The following SNX31 variants were observed in gnomAD, a reference collection of about 807,000 sequenced individuals.
SNX31 encodes sorting nexin-31.
SNX31 carries 58 observed loss-of-function variants against 65.4 expected under a neutral mutation model. The observed-to-expected ratio is 0.89, with a 90% CI of 0.72 to 1.10. The LOEUF is 1.10. SNX31 is among the 50% of genes least tolerant of loss of function. The pLI is 0.00. For missense variants in SNX31, 523 were observed against 529.7 expected, an observed-to-expected ratio of 0.99 and a Z score of 0.12; for synonymous variants, 181 against 190.1, an observed-to-expected ratio of 0.95 and a Z score of 0.39.
intron 4 of SNX31, chr8:100,618,004 G>A: frequency 1.2e-6 from 1 of 850,732 alleles, no homozygotes; most frequent in Non-Finnish European, 1.4e-6. Context: ...GACCTCAGGT[G>A]ATCCACCCTC....
Position 100,573,926 on chromosome 8 carries a change from C to CTTTTTTTTTTTTTTTTTTTT in SNX31, c.1261_1262insAAAAAAAAAAAAAAAAAAAA (p.Ser421LysfsTer12), listed in dbSNP as rs752425672. On this transcript the variant is annotated frameshift_variant, in exon 14 of 14. Transcript: ENST00000311812. LOFTEE classifies it high-confidence loss of function. ...GTCATCTTTAGCTATCTTAATCTTGCTTTTTCTTGATAGAAAACTAGAATA... is the reference window on the plus strand; with the variant it reads ...GTCATCTTTAGCTATCTTAATCTTGCTTTTTTTTTTTTTTTTTTTTTTTTTCTTGATAGAAAACTAGAATA... 1 of 1,586,998 alleles carries CTTTTTTTTTTTTTTTTTTTT rather than the reference C, an allele frequency of 6.3e-7. No individual in the cohort carries two copies. Among genetic ancestry groups the CTTTTTTTTTTTTTTTTTTTT allele is most frequent in the Admixed American group, 1.8e-5 (1 of 54,284 alleles).
In SNX31 at chr8:100,588,824, T is replaced by C. The variant is rs202183103; in HGVS notation, c.1092+42A>G. 3.5e-4 allele frequency: 510 copies of C among 1,455,022 alleles called. 3 individuals carry two copies. The East Asian group carries it at 4.1e-3, about 12-fold the overall frequency. The allele number at this position is 1,455,022 out of a possible 1,614,324, so 90.1% of individuals were successfully genotyped here. A position where few individuals can be genotyped will look rare whatever the true frequency, so the allele number is the denominator to read the frequency against. ...ATCCACCCCAGCAAGCAAGACAGCA[T>C]TTCAGCACAGAGGGTGTTCAAGGTC... On this transcript the variant is annotated intron_variant, in intron 11 of 13. Transcript: ENST00000311812. The surrounding 1 kb of genome is among the most constrained non-coding windows in gnomAD (Gnocchi z 4.8).
intron 10 of SNX31, among the ~76,000 whole-genome samples, chr8:100,592,605 A>G (rs1814688032): frequency 1.3e-5 from 2 of 152,204 alleles, no homozygotes; most frequent in Admixed American, 1.3e-4. Context: ...ATTTGATCCA[A>G]TGATAATTCT....
At chr8:100,646,106 C>T (rs961655128) in intron 2 of SNX31, among the ~76,000 whole-genome samples, 1 of 152,062 alleles carries the variant, frequency 6.6e-6, no homozygotes, top group Non-Finnish European at 1.5e-5. Context: ...TCCCCTTCAT[C>T]CTCTGAAGCT....
chr8:100,633,413 A>G (rs186225590), intron 3 of SNX31, among the ~76,000 whole-genome samples: 1 of 151,246 alleles, frequency 6.6e-6, no homozygotes, highest in Non-Finnish European at 1.5e-5. Context: ...TTATTTATTT[A>G]TTTTTTTGAG....
At chr8:100,577,784 G>A (rs923799680) in intron 12 of SNX31, among the ~76,000 whole-genome samples, 2 of 152,128 alleles carry the variant, frequency 1.3e-5, no homozygotes, top group East Asian at 1.9e-4. Context: ...ATTGCCTGAC[G>A]GGAGCTGTAT....
At chr8:100,598,329 T>G (rs1310321069) in intron 9 of SNX31, among the ~76,000 whole-genome samples, 2 of 152,124 alleles carry the variant, frequency 1.3e-5, no homozygotes, top group African/African-American at 4.8e-5. Context: ...AGGAGCTGAG[T>G]CATCTTGTCA....
rs1422804071 is a variant in SNX31, at chr8:100,610,642, T to G, written c.611+1358A>C. On this transcript the variant is annotated intron_variant, in intron 7 of 13. Transcript: ENST00000311812. The surrounding 1 kb of genome is among the most constrained non-coding windows in gnomAD (Gnocchi z 4.0). ...GGAACAACTGTGCTCAGCCATTCAC[T>G]ACAGCAAGCAGCTTCCAGAACAGCT... Among the ~76,000 whole-genome samples the G allele has an allele frequency of 6.6e-6, 1 of 152,210 alleles. No individual in the cohort carries two copies. The highest frequency in any genetic ancestry group is 1.5e-5 in the Non-Finnish European group (1 of 68,036).
In SNX31 at chr8:100,589,296, C is replaced by T. The variant is rs183315418; in HGVS notation, c.979-317G>A. Among the ~76,000 whole-genome samples, 37 of 119,036 alleles carry T rather than the reference C, an allele frequency of 3.1e-4. No homozygotes were observed. The East Asian group carries it at 6.5e-3, about 21-fold the overall frequency. The allele number at this position is 119,036 out of a possible 152,430, so 78.1% of individuals were successfully genotyped here. Reference sequence around the variant, plus strand: ...AGCCTGGGTGACAAGAGTGAGACTTCGTCTCAAAAAAAAAAAAAAAAAGCC... The same window carrying T: ...AGCCTGGGTGACAAGAGTGAGACTTTGTCTCAAAAAAAAAAAAAAAAAGCC... On this transcript the variant is annotated intron_variant, in intron 10 of 13. Coordinates refer to ENST00000311812, the MANE Select transcript of SNX31 (RefSeq NM_152628.4).
At chr8:100,659,800 A>G (rs1245355587) in intron 1 of SNX31, among the ~76,000 whole-genome samples, 1 of 151,824 alleles carries the variant, frequency 6.6e-6, no homozygotes, top group African/African-American at 2.4e-5. Context: ...AGTCTTTTCA[A>G]CTCTGGCTTT....
intron 4 of SNX31, among the ~76,000 whole-genome samples, chr8:100,628,035 A>G (rs1237131608): frequency 6.6e-6 from 1 of 152,216 alleles, no homozygotes; most frequent in East Asian, 1.9e-4. Flanking sequence ...CAAAACCACA[A>G]AGAGATACCA....
intron 3 of SNX31, among the ~76,000 whole-genome samples, chr8:100,635,016 G>A (rs952809789): frequency 2.6e-5 from 4 of 152,028 alleles, no homozygotes; most frequent in South Asian, 2.1e-4. Context: ...AGTTAGCCAC[G>A]ATTGTGCCAC....
chr8:100,641,642 ATATATATATATATATATG>A (rs1385024442), intron 2 of SNX31, among the ~76,000 whole-genome samples: 3,174 of 53,744 alleles, frequency 0.059, 181 homozygotes, highest in African/African-American at 0.18. Flanking sequence ...ATATATATAT[ATATATATATATATATATG>A]TATGGTACTT....
In SNX31 at chr8:100,622,389, C is replaced by G. The variant is rs7815379; in HGVS notation, c.322-4659G>C. 0.016 allele frequency among the ~76,000 whole-genome samples: 2,462 copies of G among 152,258 alleles called. 65 individuals carry two copies. Among genetic ancestry groups the G allele is most frequent in the African/African-American group, 0.056 (2,327 of 41,538 alleles). Reference sequence around the variant, plus strand: ...ATTTTCCAGGTGTGGTGGCTCACGCCTGGAATCCCAGCACTTTGGGACCCA... The same window carrying G: ...ATTTTCCAGGTGTGGTGGCTCACGCGTGGAATCCCAGCACTTTGGGACCCA... On this transcript the variant is annotated intron_variant, in intron 4 of 13. Transcript: ENST00000311812. The surrounding 1 kb of genome is among the most constrained non-coding windows in gnomAD (Gnocchi z 5.0).
intron 2 of SNX31, among the ~76,000 whole-genome samples, chr8:100,641,565 A>AAAAAAAAAAAATATAT (rs1554587369): frequency 6.2e-5 from 2 of 32,106 alleles, no homozygotes; most frequent in Non-Finnish European, 1.1e-4. Flanking sequence ...AAAAAAAAAA[A>AAAAAAAAAAAATATAT]ATATATATAT....
upstream of SNX31, chr8:100,663,546 T>C (rs1809824575): frequency 6.7e-6 from 1 of 148,814 alleles, no homozygotes; most frequent in Admixed American, 6.6e-5. Flanking sequence ...TGGAGCCCTC[T>C]GGAAACCCTA....
At chr8:100,608,620 G>C in intron 7 of SNX31, 57 bp from the exon 8 acceptor site, 2 of 1,566,014 alleles carry the variant, frequency 1.3e-6, no homozygotes, top group Non-Finnish European at 1.8e-6. Flanking sequence ...GGGCACACCT[G>C]GCAAGTGCTT....
chr8:100,650,365 G>GT (rs1819926976), upstream of SNX31, among the ~76,000 whole-genome samples: 3 of 152,082 alleles, frequency 2.0e-5, no homozygotes, highest in Admixed American at 2.0e-4. Context: ...TAATCTACCC[G>GT]TAACTCTTCC....
At chr8:100,631,622 A>C (rs1818424498) in intron 3 of SNX31, among the ~76,000 whole-genome samples, 2 of 151,802 alleles carry the variant, frequency 1.3e-5, no homozygotes, top group South Asian at 4.2e-4. Context: ...AATTTTATCA[A>C]ACATCCTCTA....
Sources: allele counts gnomAD v4.1 joint callset (sites outside exome capture counted in the v4.1 genomes callset), GRCh38; gene constraint gnomAD v4.1.1; non-coding constraint Gnocchi (gnomAD v3.1); transcripts MANE v1.5; gene names NCBI Gene and HGNC (gene_info 2026-07-23, HGNC 2026-07-21).